Variants in MSH6 observed in about 807,000 individuals in gnomAD.
MSH6 encodes DNA mismatch repair protein Msh6.
MSH6 carries 85 observed loss-of-function variants against 119.1 expected under a neutral mutation model. The observed-to-expected ratio is 0.71, with a 90% CI of 0.60 to 0.85. The LOEUF (loss-of-function observed/expected upper bound fraction) is 0.85. Among genes scored for constraint, MSH6 ranks in the 40% least tolerant of loss-of-function variants. The pLI is 0.00. For synonymous variants in MSH6, 830 were observed against 586.9 expected (o/e 1.41, Z -5.99); for missense variants, 2,163 against 1,655.3 (o/e 1.31, Z -5.32).
At position 47,799,337 on chromosome 2, in the gene MSH6, A is replaced by G. The variant is rs780734507; in HGVS notation, c.1354A>G (p.Met452Val). The G allele has an allele frequency of 6.2e-7, 1 of 1,614,068 alleles. No homozygotes were observed. Among genetic ancestry groups the G allele is most frequent in the Non-Finnish European group, 8.5e-7 (1 of 1,180,028 alleles). ...IGVSELGLVF[M>V]KGNWAHSGFP... ...AGTCAGTGAACTGGGGCTGGTATTC[A>G]TGAAAGGCAACTGGGCCCATTCTGG... Residue 452 changes from methionine to valine, a missense_variant, in exon 4 of 10, where the codon ATG (methionine) becomes GTG (valine). Physicochemically the swap from Met to Val is conservative, Grantham distance 21. Coordinates refer to ENST00000234420, the MANE Select transcript of MSH6 (RefSeq NM_000179.3).
chr2:47,785,200 C>T (rs1207231809), intron 1 of MSH6, among the ~76,000 whole-genome samples: 1 of 151,796 alleles, frequency 6.6e-6, no homozygotes, highest in African/African-American at 2.4e-5. Flanking sequence ...AAAAATAACT[C>T]ATTCAAGATA....
rs730881789 is a variant in MSH6 at position 47,799,134 on chromosome 2, G to T, written c.1151G>T (p.Arg384Met). 1.4e-5 allele frequency: 22 copies of T among 1,614,034 alleles called. No individual in the cohort carries two copies. The stretch of plus-strand genomic sequence containing the variant: ...GAAAAGAGAAGAGATGAGCACAGGA[G>T]GAGGCCTGATCACCCCGATTTTGAT... ...KEEKRRDEHR[R>M]RPDHPDFDAS... Residue 384 changes from arginine to methionine, a missense_variant, in exon 4 of 10, where the codon AGG (arginine) becomes ATG (methionine). Transcript: ENST00000234420.
At chr2:47,801,939 C>T (rs970540451) in intron 4 of MSH6, among the ~76,000 whole-genome samples, 6 of 152,034 alleles carry the variant, frequency 3.9e-5, no homozygotes, top group African/African-American at 1.2e-4. Context: ...CCACCGCTCC[C>T]GGCCCAAAAG....
At chr2:47,788,574 T>C (rs1345342046) in intron 1 of MSH6, among the ~76,000 whole-genome samples, 45 of 144,664 alleles carry the variant, frequency 3.1e-4, no homozygotes, top group Admixed American at 1.7e-3. Context: ...CTTTTTCTTT[T>C]TTTTTTTTTT....
At chr2:47,785,371 G>T (rs1668289540) in intron 1 of MSH6, among the ~76,000 whole-genome samples, 1 of 151,894 alleles carries the variant, frequency 6.6e-6, no homozygotes, top group Admixed American at 6.6e-5. Flanking sequence ...GGGATTACGG[G>T]TGTGCCCACC....
downstream of MSH6, chr2:47,808,209 G>C (rs1670357862): frequency 6.2e-7 from 1 of 1,613,372 alleles, no homozygotes; most frequent in Non-Finnish European, 8.5e-7. Flanking sequence ...TAATGTACAA[G>C]GATTAGACAG....
In MSH6 at chr2:47,790,914, C is replaced by A. The variant is rs2104097518; in HGVS notation, c.261-13C>A. ...AAATATTAACTAAGTTATGTATTTC[C>A]TTTTGGCAACAGTTGTGACTTCTCA... On this transcript the variant is annotated splice_polypyrimidine_tract_variant and intron_variant, in intron 1 of 9. Coordinates refer to ENST00000234420, the MANE Select transcript of MSH6 (RefSeq NM_000179.3). The A allele has an allele frequency of 6.2e-7, 1 of 1,613,864 alleles. No individual in the cohort carries two copies.
At position 47,795,422 on chromosome 2, in the gene MSH6, ATGTGTGTGTGTGTG is replaced by A. The variant is rs10699372; in HGVS notation, c.458-458_458-445del. Among the ~76,000 whole-genome samples, 12 of 141,726 alleles carry A rather than the reference ATGTGTGTGTGTGTG, an allele frequency of 8.5e-5. No homozygotes were observed. In the South Asian group the frequency reaches 2.4e-3, roughly 29 times the overall value. The allele number at this position is 141,726 out of a possible 152,430, so 93.0% of individuals were successfully genotyped here. Reference sequence around the variant, plus strand: ...AAGTGTCCAGCCAACAAGTTATTTTATGTGTGTGTGTGTGTGTGTGTGTGTGTATACATATATAC... The same window carrying A: ...AAGTGTCCAGCCAACAAGTTATTTTATGTGTGTGTGTGTATACATATATAC... On this transcript the variant is annotated intron_variant, in intron 2 of 9. Transcript: ENST00000234420.
downstream of MSH6, chr2:47,808,714 G>A (rs573637601): frequency 3.5e-4 from 118 of 341,874 alleles, 1 homozygote; most frequent in Non-Finnish European, 5.4e-4. Context: ...TTTTGGAGGC[G>A]TGAAGAGTCA....
At chr2:47,795,776 A>G (rs745732879) in intron 2 of MSH6, 118 bp from the exon 3 acceptor site, 4 of 862,594 alleles carry the variant, frequency 4.6e-6, no homozygotes, top group African/African-American at 3.4e-5. Context: ...TGGCATATAT[A>G]TATTTTAAGA....
At chr2:47,786,351 T>G (rs1416094409) in intron 1 of MSH6, among the ~76,000 whole-genome samples, 1 of 151,944 alleles carries the variant, frequency 6.6e-6, no homozygotes, top group South Asian at 2.1e-4. Flanking sequence ...TTTTTTTTTT[T>G]GAGACGGAAT....
At chr2:47,808,555 C>A, downstream of MSH6, 1 of 685,584 alleles carries the variant, frequency 1.5e-6, no homozygotes, top group Non-Finnish European at 2.3e-6. Context: ...TGGCTCCAGC[C>A]CAGATTAATT....
At chr2:47,805,941 G>A (rs1192385292) in intron 7 of MSH6, among the ~76,000 whole-genome samples, 4 of 152,116 alleles carry the variant, frequency 2.6e-5, no homozygotes, top group African/African-American at 7.2e-5. Context: ...TAAAACATTT[G>A]TTATACTACG....
At position 47,803,473 on chromosome 2, in the gene MSH6, C is replaced by A. The variant is rs63750617; in HGVS notation, c.3226C>A (p.Arg1076Ser). 6.2e-7 allele frequency: 1 copy of A among 1,614,056 alleles called. No homozygotes were observed. Among genetic ancestry groups the A allele is most frequent in the Non-Finnish European group, 8.5e-7 (1 of 1,180,034 alleles). ...TCGAGGGGGTGATGGTCCTATGTGT[C>A]GCCCAGTAATTCTGTTGCCGGAAGA... ...YSRGGDGPMC[R>S]PVILLPEDTP... Residue 1076 changes from arginine to serine, a missense_variant, in exon 5 of 10, where the codon CGC (arginine) becomes AGC (serine). Arg to Ser is a moderately radical substitution (Grantham distance 110, BLOSUM62 -1). Coordinates refer to ENST00000234420, the MANE Select transcript of MSH6 (RefSeq NM_000179.3).
At chr2:47,803,395 T>A (rs2104470508) in intron 4 of MSH6, 25 bp from the exon 5 acceptor site, 1 of 1,614,072 alleles carries the variant, frequency 6.2e-7, no homozygotes, top group Non-Finnish European at 8.5e-7. Flanking sequence ...CGATGAAGCC[T>A]CACTTTTACC....
intron 2 of MSH6, among the ~76,000 whole-genome samples, chr2:47,793,068 C>T (rs1668840764): frequency 6.6e-6 from 1 of 151,628 alleles, no homozygotes; most frequent in Non-Finnish European, 1.5e-5. Context: ...CACCTGTAAT[C>T]CCAGCGCTTT....
intron 2 of MSH6, among the ~76,000 whole-genome samples, chr2:47,792,665 T>G (rs913142293): frequency 6.6e-6 from 1 of 151,862 alleles, no homozygotes; most frequent in Non-Finnish European, 1.5e-5. Context: ...CTCGGCCAAC[T>G]TTTTCGTTTT....
At position 47,800,507 on chromosome 2, in the gene MSH6, G is replaced by A. The variant is rs746143003; in HGVS notation, c.2524G>A (p.Ala842Thr). The change falls in exon 4 of 10, where the codon GCT (alanine) becomes ACT (threonine). Residue 842 changes from alanine to threonine, a missense_variant. Coordinates refer to ENST00000234420, the MANE Select transcript of MSH6 (RefSeq NM_000179.3). ...GAGTCAGAACCACCCAGACAGCAGG[G>A]CTATAATGTATGAAGAAACTACATA... ...LKSQNHPDSRAIMYEETTYSK... is the reference protein window; with the variant it reads ...LKSQNHPDSRTIMYEETTYSK... 1.2e-6 allele frequency: 2 copies of A among 1,613,056 alleles called. No individual in the cohort carries two copies. The highest frequency in any genetic ancestry group is 1.7e-6 in the Non-Finnish European group (2 of 1,179,802).
chr2:47,806,560 A>G lies in MSH6; in HGVS notation c.3910A>G (p.Arg1304Gly), dbSNP rs1572747155. The G allele has an allele frequency of 5.0e-6, 8 of 1,613,872 alleles. No homozygotes were observed. The highest frequency in any genetic ancestry group is 6.8e-6 in the Non-Finnish European group (8 of 1,179,862). ...TAAAAGCTATGGCTTTAATGCAGCA[A>G]GGCTTGCTAATCTCCCAGAGGAAGT... ...CPKSYGFNAARLANLPEEVIQ... is the reference protein window; with the variant it reads ...CPKSYGFNAAGLANLPEEVIQ... Residue 1304 changes from arginine to glycine, a missense_variant, in exon 9 of 10, where the codon AGG becomes GGG. Arg to Gly is a moderately radical substitution (Grantham distance 125). Coordinates refer to ENST00000234420, the MANE Select transcript of MSH6 (RefSeq NM_000179.3).
Sources: allele counts gnomAD v4.1 joint callset (sites outside exome capture counted in the v4.1 genomes callset), GRCh38; gene constraint gnomAD v4.1.1; transcripts MANE v1.5; gene names NCBI Gene and HGNC (gene_info 2026-07-23, HGNC 2026-07-21).